PDE3A: variants seen among roughly 807,000 people sequenced by gnomAD.
PDE3A encodes phosphodiesterase 3A.
PDE3A carries 43 observed loss-of-function variants against 98.3 expected under a neutral mutation model. That is an observed-to-expected ratio of 0.44 (90% confidence interval 0.34 to 0.56). The LOEUF is 0.56. Among genes scored for constraint, PDE3A ranks in the 20% least tolerant of loss-of-function variants. The pLI, the probability that PDE3A is intolerant of heterozygous loss-of-function variation, is 0.01. For synonymous variants in PDE3A, 663 were observed against 567.9 expected (o/e 1.17, Z -2.38); for missense variants, 1,427 against 1,440.7 (o/e 0.99, Z 0.15).
intron 2 of PDE3A, among the ~76,000 whole-genome samples, chr12:20,581,616 CTT>C (rs1158345396): frequency 0.021 from 87 of 4,186 alleles, 1 homozygote; most frequent in African/African-American, 0.08. Context: ...CTTTTCTTTT[CTT>C]TTTTTTTTTT....
At chr12:20,676,909 T>A (rs1270173622) in intron 15 of PDE3A, among the ~76,000 whole-genome samples, 1 of 152,212 alleles carries the variant, frequency 6.6e-6, no homozygotes, top group African/African-American at 2.4e-5. Flanking sequence ...TCTCTTTTTG[T>A]TAGACTTGGG....
At chr12:20,451,480 G>A (rs1945064406) in intron 1 of PDE3A, among the ~76,000 whole-genome samples, 1 of 152,016 alleles carries the variant, frequency 6.6e-6, no homozygotes, top group Non-Finnish European at 1.5e-5. Context: ...TGCCATGTTG[G>A]CCAGGCTGGT....
intron 2 of PDE3A, among the ~76,000 whole-genome samples, chr12:20,612,182 A>G (rs1450620478): frequency 6.6e-6 from 1 of 151,858 alleles, no homozygotes; most frequent in Non-Finnish European, 1.5e-5. Context: ...TGTTTTGCCA[A>G]TTTTGTAAAT....
intron 2 of PDE3A, among the ~76,000 whole-genome samples, chr12:20,574,166 T>C (rs928476852): frequency 6.6e-6 from 1 of 152,106 alleles, no homozygotes; most frequent in African/African-American, 2.4e-5. Context: ...CTTCTAAAAG[T>C]GATATAACCT....
At chr12:20,622,285 CTCTG>C (rs1944156590) in intron 5 of PDE3A, among the ~76,000 whole-genome samples, 1 of 152,100 alleles carries the variant, frequency 6.6e-6, no homozygotes, top group Non-Finnish European at 1.5e-5. Context: ...AGCTGCACCC[CTCTG>C]TCTGGATCCT....
intron 1 of PDE3A, among the ~76,000 whole-genome samples, chr12:20,409,576 C>T (rs920209157): frequency 2.6e-5 from 4 of 152,010 alleles, no homozygotes; most frequent in Admixed American, 6.6e-5. Context: ...AAAATAAAGT[C>T]GCTGAATAAA....
intron 15 of PDE3A, among the ~76,000 whole-genome samples, chr12:20,668,094 A>AC (rs1945368105): frequency 6.6e-6 from 1 of 152,174 alleles, no homozygotes; most frequent in African/African-American, 2.4e-5. Context: ...GACAGATGGC[A>AC]CCTGGAAAAT....
chr12:20,397,189 CTGT>C (rs1382427591), intron 1 of PDE3A, among the ~76,000 whole-genome samples: 1 of 152,004 alleles, frequency 6.6e-6, no homozygotes, highest in East Asian at 1.9e-4. Flanking sequence ...GAGGTTGATA[CTGT>C]TGTTCTCATT....
chr12:20,529,197 T>C (rs1946578831), intron 1 of PDE3A, among the ~76,000 whole-genome samples: 1 of 152,144 alleles, frequency 6.6e-6, no homozygotes, highest in Non-Finnish European at 1.5e-5. Flanking sequence ...TTCCAGAAAG[T>C]GCAGAAGGTA....
At position 20,616,255 on chromosome 12, in the gene PDE3A, G is replaced by T. The variant is rs1944004832; in HGVS notation, c.1295G>T (p.Gly432Val). ...CGCCTGAGAAGGAGTTTGCCTCCTG[G>T]CTTGTTGAGACGAGTTTCTTCCACT... is the stretch of plus-strand genomic sequence containing the variant. The part of the protein sequence containing the change: ...PKRLRRSLPP[G>V]LLRRVSSTWT... The change falls in exon 4 of 16, where the codon GGC (glycine) becomes GTC (valine). Residue 432 changes from glycine to valine, a missense_variant. Around this residue, in one of 3 missense-constraint regions of PDE3A, gnomAD observed 1,012 missense variants for 886.5 expected, o/e 1.14. Transcript: ENST00000359062. The T allele has an allele frequency of 1.2e-6, 2 of 1,613,886 alleles. No individual in the cohort carries two copies. The highest frequency in any genetic ancestry group is 2.7e-5 in the African/African-American group (2 of 74,996).
chr12:20,551,900 T>TC (rs1942215198), intron 1 of PDE3A: 1 of 1,613,290 alleles, frequency 6.2e-7, no homozygotes, highest in African/African-American at 1.3e-5. Context: ...ATCCCGGGGA[T>TC]CCCCGTGGGC....
intron 7 of PDE3A, among the ~76,000 whole-genome samples, chr12:20,634,184 T>C (rs1388069723): frequency 1.3e-5 from 2 of 152,188 alleles, no homozygotes; most frequent in African/African-American, 4.8e-5. Context: ...TAGAACTATA[T>C]AGAAATATTA....
At chr12:20,495,476 A>T (rs955764358) in intron 1 of PDE3A, among the ~76,000 whole-genome samples, 3 of 152,152 alleles carry the variant, frequency 2.0e-5, no homozygotes, top group Non-Finnish European at 2.9e-5. Flanking sequence ...TTTTACATAG[A>T]ACAATATACT....
chr12:20,499,089 GT>G (rs1437681888), intron 1 of PDE3A, among the ~76,000 whole-genome samples: 1 of 152,172 alleles, frequency 6.6e-6, no homozygotes, highest in Non-Finnish European at 1.5e-5. Flanking sequence ...GATGGGTCCT[GT>G]TGTGTGCTCT....
chr12:20,556,779 C>A, intron 2 of PDE3A, 69 bp downstream of exon 2: 2 of 1,105,044 alleles, frequency 1.8e-6, no homozygotes, highest in Non-Finnish European at 2.8e-6. Context: ...TTTTCTAAAA[C>A]TCAAGAGATA....
intron 2 of PDE3A, among the ~76,000 whole-genome samples, chr12:20,589,886 A>G (rs920114057): frequency 2.8e-4 from 42 of 151,878 alleles, no homozygotes; most frequent in Middle Eastern, 3.4e-3. Flanking sequence ...AAAAAAAAAA[A>G]AAAGAAAAAA....
At chr12:20,459,089 A>C (rs1945203161) in intron 1 of PDE3A, among the ~76,000 whole-genome samples, 1 of 152,136 alleles carries the variant, frequency 6.6e-6, no homozygotes, top group African/African-American at 2.4e-5. Context: ...TTTCCTTCCC[A>C]GTATAGTGTT....
intron 2 of PDE3A, chr12:20,571,852 AAGT>A (rs1942807881): frequency 8.2e-6 from 8 of 973,068 alleles, no homozygotes; most frequent in Non-Finnish European, 9.8e-6. Flanking sequence ...TCTAGTATCC[AAGT>A]AGTACTTCAT....
intron 1 of PDE3A, among the ~76,000 whole-genome samples, chr12:20,492,232 C>T (rs530134755): frequency 3.3e-5 from 5 of 152,268 alleles, no homozygotes; most frequent in South Asian, 2.1e-4. Context: ...CCTCCTCCCA[C>T]CTCGCCCTCA....
Sources: allele counts gnomAD v4.1 joint callset (sites outside exome capture counted in the v4.1 genomes callset), GRCh38; gene constraint gnomAD v4.1.1; regional missense constraint gnomAD v4.1.1; transcripts MANE v1.5; gene names NCBI Gene and HGNC (gene_info 2026-07-23, HGNC 2026-07-21).